Variants in SERINC1 observed in about 807,000 individuals in gnomAD.
SERINC1 encodes the protein serine incorporator 1, also known as tumor differentially expressed protein 2.
A neutral mutation model predicts 52.9 loss-of-function variants in SERINC1; 38 were observed. That is an observed-to-expected ratio of 0.72 (90% CI 0.55 to 0.94). The LOEUF (loss-of-function observed/expected upper bound fraction) is 0.94. Ranked by LOEUF, SERINC1 falls within the 40% of genes least tolerant of loss-of-function variation. The pLI, the probability that SERINC1 is intolerant of heterozygous loss-of-function variation, is 0.00. For missense variants in SERINC1, 471 were observed against 533.9 expected (o/e 0.88, Z 1.16); for synonymous variants, 198 against 183.1 (o/e 1.08, Z -0.66).
Position 122,444,937 on chromosome 6 carries a change from G to T in SERINC1, c.*107C>A. On this transcript the variant is annotated 3_prime_UTR_variant, in exon 10 of 10. Coordinates refer to ENST00000339697, the MANE Select transcript of SERINC1 (RefSeq NM_020755.4). Reference sequence around the variant, plus strand: ...AAAATCTAATTCATGCCAGAACACTGGAGAAGTTACATGGGAAGCAAAAAC... The same window carrying T: ...AAAATCTAATTCATGCCAGAACACTTGAGAAGTTACATGGGAAGCAAAAAC... 1 of 1,040,494 alleles carries T rather than the reference G, an allele frequency of 9.6e-7. No homozygotes were observed. The highest frequency in any genetic ancestry group is 1.4e-6 in the Non-Finnish European group (1 of 715,912). The allele number at this position is 1,040,494 out of a possible 1,614,324, so 64.5% of individuals were successfully genotyped here. A position where few individuals can be genotyped will look rare whatever the true frequency, so the allele number is the denominator to read the frequency against.
intron 7 of SERINC1, among the ~76,000 whole-genome samples, chr6:122,451,251 A>T (rs1238647828): frequency 1.3e-5 from 2 of 152,242 alleles, no homozygotes. Flanking sequence ...TTACAACTTG[A>T]TGAAGGCTCA....
intron 3 of SERINC1, chr6:122,454,488 C>A: frequency 3.0e-6 from 1 of 330,822 alleles, no homozygotes; most frequent in East Asian, 7.0e-5. Flanking sequence ...TAGATCTTTC[C>A]AATTGGAAAA....
chr6:122,453,706 C>G lies in SERINC1; in HGVS notation c.589+64G>C, dbSNP rs563047932. On this transcript the variant is annotated intron_variant, in intron 5 of 9. Transcript: ENST00000339697. ...AAAAATCCTAAGTGATTTACCTAGT[C>G]TACATATCTATTCTCGACTTCAAAG... The G allele has an allele frequency of 4.4e-5, 60 of 1,379,036 alleles. No individual in the cohort carries two copies. The African/African-American group carries it at 7.0e-4, about 16-fold the overall frequency. The allele number at this position is 1,379,036 out of a possible 1,614,324, so 85.4% of individuals were successfully genotyped here. A position where few individuals can be genotyped will look rare whatever the true frequency, so the allele number is the denominator to read the frequency against.
intron 7 of SERINC1, among the ~76,000 whole-genome samples, chr6:122,450,053 AAAC>A (rs1774877929): frequency 6.6e-6 from 1 of 152,260 alleles, no homozygotes; most frequent in East Asian, 1.9e-4. Context: ...CAGCCAAACC[AAAC>A]AACAGATTTT....
In SERINC1 at chr6:122,458,592, T is replaced by C; in HGVS notation, c.129A>G (p.Ala43=). 6.2e-7 allele frequency: 1 copy of C among 1,613,248 alleles called. No individual in the cohort carries two copies. Among genetic ancestry groups the C allele is most frequent in the South Asian group, 1.1e-5 (1 of 91,052 alleles). Residue 43 remains alanine (A), a synonymous_variant, in exon 2 of 10, where the codon GCA becomes GCG. Coordinates refer to ENST00000339697, the MANE Select transcript of SERINC1 (RefSeq NM_020755.4). Reference sequence around the variant, plus strand: ...CACATACTCCAACAAGCAAGAAAAGTGCATAGATCAATCTAGTTACAGTGG... The same window carrying C: ...CACATACTCCAACAAGCAAGAAAAGCGCATAGATCAATCTAGTTACAGTGG... The part of the protein sequence containing the change: ...NNSTVTRLIY[A]LFLLVGVCVA...
intron 3 of SERINC1, among the ~76,000 whole-genome samples, chr6:122,455,078 CCTT>C (rs1774973181): frequency 6.6e-6 from 1 of 151,964 alleles, no homozygotes; most frequent in Non-Finnish European, 1.5e-5. Context: ...AGTTGTATGA[CCTT>C]ATTATTGTCT....
Position 122,447,217 on chromosome 6 carries a change from GTTGTA to G in SERINC1, c.894_898del (p.Thr299LysfsTer39). The G allele has an allele frequency of 1.2e-6, 2 of 1,612,620 alleles. No homozygotes were observed. Among genetic ancestry groups the G allele is most frequent in the Non-Finnish European group, 1.7e-6 (2 of 1,178,684 alleles). ...CTGCCCTTCCTTTGGGACAGTGCTT[GTTGTA>G]TTGTAGCCAATTATGCTTAGTAGAC... is the stretch of plus-strand genomic sequence containing the variant. On this transcript the variant is annotated frameshift_variant, in exon 8 of 10. Coordinates refer to ENST00000339697, the MANE Select transcript of SERINC1 (RefSeq NM_020755.4). LOFTEE classifies it high-confidence loss of function.
chr6:122,466,347 T>C (rs1353838943), intron 1 of SERINC1, among the ~76,000 whole-genome samples: 1 of 152,050 alleles, frequency 6.6e-6, no homozygotes, highest in Non-Finnish European at 1.5e-5. Flanking sequence ...TCGTCCAGGC[T>C]GGAATGTAGG....
At chr6:122,470,416 T>C (rs1017496068) in intron 1 of SERINC1, among the ~76,000 whole-genome samples, 1 of 152,212 alleles carries the variant, frequency 6.6e-6, no homozygotes, top group East Asian at 1.9e-4. Flanking sequence ...CTGGACAAGA[T>C]ACGACATTAC....
intron 7 of SERINC1, among the ~76,000 whole-genome samples, chr6:122,450,501 T>C (rs760762654): frequency 1.1e-4 from 16 of 152,286 alleles, no homozygotes; most frequent in South Asian, 2.1e-4. Flanking sequence ...CTGCAGCCCA[T>C]GGAAAAAGGA....
chr6:122,454,084 A>G, intron 4 of SERINC1, 67 bp downstream of exon 4: 2 of 1,201,874 alleles, frequency 1.7e-6, no homozygotes, highest in Non-Finnish European at 2.4e-6. Context: ...TTATAGTTCC[A>G]GGTGACAATT....
At chr6:122,445,883 C>CAAAAAA (rs71018202) in intron 9 of SERINC1, among the ~76,000 whole-genome samples, 15 of 62,808 alleles carry the variant, frequency 2.4e-4, no homozygotes, top group South Asian at 2.0e-3. Context: ...GACTCCATTT[C>CAAAAAA]AAAAAAAAAA....
At chr6:122,457,662 T>G (rs1314033611) in intron 2 of SERINC1, among the ~76,000 whole-genome samples, 2 of 152,086 alleles carry the variant, frequency 1.3e-5, no homozygotes, top group Non-Finnish European at 2.9e-5. Flanking sequence ...AAACCAGGAA[T>G]AAGATCCTCA....
chr6:122,471,669 G>C, intron 1 of SERINC1, 30 bp downstream of exon 1: 1 of 1,613,914 alleles, frequency 6.2e-7, no homozygotes. Flanking sequence ...TCTCACACTA[G>C]CACCCCAGAG....
intron 1 of SERINC1, among the ~76,000 whole-genome samples, chr6:122,466,794 T>C (rs1775199673): frequency 6.6e-6 from 1 of 152,110 alleles, no homozygotes; most frequent in South Asian, 2.1e-4. Flanking sequence ...AGAGTTTCAG[T>C]CCAGGAAGCA....
At chr6:122,464,859 G>A (rs1001504788) in intron 1 of SERINC1, among the ~76,000 whole-genome samples, 4 of 152,038 alleles carry the variant, frequency 2.6e-5, no homozygotes, top group African/African-American at 9.7e-5. Flanking sequence ...TTACCTGGAG[G>A]GCTTATTAAA....
At chr6:122,463,340 A>G in intron 1 of SERINC1, among the ~76,000 whole-genome samples, 1 of 152,194 alleles carries the variant, frequency 6.6e-6, no homozygotes, top group East Asian at 1.9e-4. Context: ...AGGACTCACA[A>G]AAGAAAAACA....
chr6:122,450,523 G>A (rs529068347), intron 7 of SERINC1, among the ~76,000 whole-genome samples: 35 of 152,192 alleles, frequency 2.3e-4, no homozygotes, highest in African/African-American at 7.2e-4. Context: ...TAATTTCAAC[G>A]TTTAAATCTT....
intron 1 of SERINC1, among the ~76,000 whole-genome samples, chr6:122,470,681 T>C (rs920312412): frequency 4.6e-5 from 7 of 152,210 alleles, no homozygotes; most frequent in African/African-American, 1.7e-4. Flanking sequence ...TCAACATTTT[T>C]AGTTCAAGAC....
Sources: gnomAD v4.1 joint callset for allele counts (sites outside exome capture counted in the v4.1 genomes callset) on GRCh38, gnomAD v4.1.1 for gene constraint, MANE v1.5 for transcripts, NCBI Gene and HGNC (gene_info 2026-07-23, HGNC 2026-07-21) for gene names.